PTPRG: variants seen among roughly 807,000 people sequenced by gnomAD.
PTPRG encodes the protein receptor-type tyrosine-protein phosphatase gamma.
In PTPRG, 102 loss-of-function variants were observed where a neutral mutation model predicts 165.3. The ratio of observed to expected loss-of-function variants is 0.62; its 90% CI spans 0.53 to 0.73. PTPRG has a LOEUF of 0.73. Among genes scored for constraint, PTPRG ranks in the 30% least tolerant of loss-of-function variants. The pLI is 0.00. For synonymous variants in PTPRG, 675 were observed against 669.5 expected (o/e 1.01, Z -0.13); for missense variants, 1,866 against 1,861.4 (o/e 1.00, Z -0.05).
chr3:61,630,352 A>G (rs1316486928), intron 1 of PTPRG, among the ~76,000 whole-genome samples: 1 of 152,214 alleles, frequency 6.6e-6, no homozygotes, highest in Non-Finnish European at 1.5e-5. Context: ...CTGGCTTTCC[A>G]CCATCCTGTA....
chr3:62,157,963 C>A (rs1210936382), intron 7 of PTPRG, among the ~76,000 whole-genome samples: 1 of 152,064 alleles, frequency 6.6e-6, no homozygotes, highest in African/African-American at 2.4e-5. Flanking sequence ...GGTAACATGC[C>A]CAAAGATTCA....
At chr3:61,745,051 C>CTTTTTTTTTTTTTTTTTTTT (rs10669472) in intron 1 of PTPRG, among the ~76,000 whole-genome samples, 5 of 111,624 alleles carry the variant, frequency 4.5e-5, no homozygotes, top group African/African-American at 1.7e-4. Flanking sequence ...CATTCCCTCA[C>CTTTTTTTTTTTTTTTTTTTT]TTTTTTTTTT....
chr3:61,836,330 A>G (rs914982091), intron 2 of PTPRG, among the ~76,000 whole-genome samples: 3 of 151,818 alleles, frequency 2.0e-5, no homozygotes, highest in Non-Finnish European at 4.4e-5. Context: ...TTGTTTTCTG[A>G]GTGTGTAGTA....
intron 5 of PTPRG, among the ~76,000 whole-genome samples, chr3:62,096,138 G>A (rs893671877): frequency 1.3e-5 from 2 of 152,076 alleles, no homozygotes; most frequent in Non-Finnish European, 2.9e-5. Flanking sequence ...AGGAGAGATG[G>A]TGGTAGCTGG....
chr3:61,959,415 T>C (rs1323776627), intron 2 of PTPRG, among the ~76,000 whole-genome samples: 3 of 152,214 alleles, frequency 2.0e-5, no homozygotes, highest in Admixed American at 6.5e-5. Flanking sequence ...GGGATGAAAC[T>C]GTTCCACCTC....
chr3:61,925,920 T>C (rs767840526), intron 2 of PTPRG: 4 of 494,934 alleles, frequency 8.1e-6, no homozygotes, highest in Non-Finnish European at 1.6e-5. Flanking sequence ...CCAGCAGTGT[T>C]TCCATAGGAA....
At position 62,295,362 on chromosome 3, in the gene PTPRG, T is replaced by C. The variant is rs1033860237; in HGVS notation, c.*2055T>C. 3.3e-5 allele frequency: 5 copies of C among 152,134 alleles called. No individual in the cohort carries two copies. Among genetic ancestry groups the C allele is most frequent in the Non-Finnish European group, 7.4e-5 (5 of 68,014 alleles). 9.4% of individuals were successfully genotyped at this position (152,134 alleles called of 1,614,324 possible). A position where few individuals can be genotyped will look rare whatever the true frequency, so the allele number is the denominator to read the frequency against. On this transcript the variant is annotated 3_prime_UTR_variant, in exon 30 of 30. Transcript: ENST00000474889. ...GTTTTAGATGTATAGAGTATTGATA[T>C]GAGTTAACACTTTTTAGTAGATGGC...
At chr3:61,720,575 C>T (rs1037721127) in intron 1 of PTPRG, among the ~76,000 whole-genome samples, 1 of 152,170 alleles carries the variant, frequency 6.6e-6, no homozygotes, top group Non-Finnish European at 1.5e-5. Context: ...CGAAGGTCTC[C>T]CCATGCTCCC....
chr3:62,048,732 C>G (rs1700375202), intron 4 of PTPRG, among the ~76,000 whole-genome samples: 1 of 152,148 alleles, frequency 6.6e-6, no homozygotes, highest in Non-Finnish European at 1.5e-5. Flanking sequence ...CCTTTATTCT[C>G]TATCTAGAAT....
intron 2 of PTPRG, among the ~76,000 whole-genome samples, chr3:61,773,051 AT>A (rs898808153): frequency 6.6e-6 from 1 of 152,254 alleles, no homozygotes; most frequent in Non-Finnish European, 1.5e-5. Context: ...CATTTGAAAC[AT>A]TAGATGTTGG....
At chr3:61,694,710 C>T (rs932761394) in intron 1 of PTPRG, among the ~76,000 whole-genome samples, 4 of 151,992 alleles carry the variant, frequency 2.6e-5, no homozygotes, top group African/African-American at 9.7e-5. Flanking sequence ...CAGTGGGGCA[C>T]GATGTAGCCA....
Position 61,981,427 on chromosome 3 carries a change from C to T in PTPRG, c.191-8198C>T, listed in dbSNP as rs143996796. 6.4e-3 allele frequency among the ~76,000 whole-genome samples: 969 copies of T among 152,300 alleles called. 7 individuals carry two copies. Among genetic ancestry groups the T allele is most frequent in the Non-Finnish European group, 0.011 (729 of 68,022 alleles). On this transcript the variant is annotated intron_variant, in intron 2 of 29. Coordinates refer to ENST00000474889, the MANE Select transcript of PTPRG (RefSeq NM_002841.4). The stretch of plus-strand genomic sequence containing the variant: ...ATCTCTTGTCAAGGAGGATGAGATT[C>T]CACTAATTGCCATATATTAGTCAAG...
intron 2 of PTPRG, among the ~76,000 whole-genome samples, chr3:61,972,878 T>C (rs1344709829): frequency 4.0e-5 from 6 of 151,682 alleles, no homozygotes. Context: ...AGGCTGGTCT[T>C]AAACTTCTGG....
chr3:61,948,522 G>A (rs1376642151), intron 2 of PTPRG, among the ~76,000 whole-genome samples: 1 of 152,120 alleles, frequency 6.6e-6, no homozygotes, highest in East Asian at 1.9e-4. Flanking sequence ...GTTATGGGGG[G>A]CGGTCAAGGG....
At chr3:62,099,405 T>C (rs1702214657) in intron 5 of PTPRG, among the ~76,000 whole-genome samples, 2 of 152,192 alleles carry the variant, frequency 1.3e-5, no homozygotes, top group South Asian at 4.1e-4. Context: ...AGAAAAGTTG[T>C]GGCCGCAAAA....
At chr3:62,004,533 C>T (rs182295272) in intron 4 of PTPRG, among the ~76,000 whole-genome samples, 11 of 152,320 alleles carry the variant, frequency 7.2e-5, no homozygotes, top group Admixed American at 7.2e-4. Flanking sequence ...TGTTACATTT[C>T]TTCCTTGCTA....
At chr3:62,183,706 C>T (rs908303877) in intron 8 of PTPRG, among the ~76,000 whole-genome samples, 4 of 152,136 alleles carry the variant, frequency 2.6e-5, no homozygotes, top group South Asian at 2.1e-4. Flanking sequence ...GGGGAAGAGG[C>T]GATTGCTGCG....
chr3:62,003,610 T>C (rs2041225801), intron 4 of PTPRG, 113 bp downstream of exon 4: 2 of 1,325,118 alleles, frequency 1.5e-6, no homozygotes, highest in South Asian at 3.0e-5. Context: ...AGTACCTAAC[T>C]TCCTCTCTCT....
chr3:61,804,679 C>CAAAAACAAA (rs2035356946), intron 2 of PTPRG, among the ~76,000 whole-genome samples: 1 of 115,364 alleles, frequency 8.7e-6, no homozygotes, highest in African/African-American at 3.2e-5. Context: ...TTTCTCTCTC[C>CAAAAACAAA]AAAAAAAAAA....
Sources: allele counts gnomAD v4.1 joint callset (sites outside exome capture counted in the v4.1 genomes callset), GRCh38; gene constraint gnomAD v4.1.1; transcripts MANE v1.5; gene names NCBI Gene and HGNC (gene_info 2026-07-23, HGNC 2026-07-21).